Variants in PKHD1L1 observed in about 807,000 individuals in gnomAD.
PKHD1L1 encodes PKHD1 like 1, also known as fibrocystin-L.
Under a neutral mutation model 462.9 loss-of-function variants are expected in PKHD1L1, and 434 were observed. The ratio of observed to expected loss-of-function variants is 0.94; its 90% CI spans 0.87 to 1.02. PKHD1L1 has a LOEUF of 1.02. Ranked by LOEUF, PKHD1L1 falls within the 50% of genes least tolerant of loss-of-function variation. The pLI is 0.00. For missense variants in PKHD1L1, 5,202 were observed against 5,096.1 expected (o/e 1.02, Z -0.63); for synonymous variants, 1,781 against 1,750.0 (o/e 1.02, Z -0.44).
chr8:109,405,108 A>T lies in PKHD1L1; in HGVS notation c.1647A>T (p.Leu549Phe). ...ANSCSLYQYR[L>F]IYNMEKTVFL... is the part of the protein sequence containing the mutation. ...CATGTTCACTTTACCAATATAGATT[A>T]ATCTATAATATGGAAAAAACTGGTA... is the stretch of plus-strand genomic sequence containing the variant. Residue 549 changes from leucine to phenylalanine, a missense_variant, in exon 16 of 78, where the codon TTA becomes TTT. By Grantham distance (22) the Leu-to-Phe change is conservative. Coordinates refer to ENST00000378402, the MANE Select transcript of PKHD1L1 (RefSeq NM_177531.6). The T allele has an allele frequency of 1.3e-6, 2 of 1,491,566 alleles. No individual in the cohort carries two copies. Among genetic ancestry groups the T allele is most frequent in the East Asian group, 2.4e-5 (1 of 41,520 alleles). The allele number at this position is 1,491,566 out of a possible 1,614,324, so 92.4% of individuals were successfully genotyped here. A position where few individuals can be genotyped will look rare whatever the true frequency, so the allele number is the denominator to read the frequency against.
chr8:109,440,667 C>G, intron 32 of PKHD1L1, 43 bp from the exon 33 acceptor site: 1 of 1,558,488 alleles, frequency 6.4e-7, no homozygotes, highest in Non-Finnish European at 8.8e-7. Context: ...CAAGATAAAT[C>G]AGTAGGAAGC....
chr8:109,466,095 C>T (rs1484871041), intron 49 of PKHD1L1, among the ~76,000 whole-genome samples: 1 of 152,142 alleles, frequency 6.6e-6, no homozygotes, highest in Non-Finnish European at 1.5e-5. Flanking sequence ...GAGTTTTCAA[C>T]CACAGTTGTT....
Position 109,510,846 on chromosome 8 carries a change from T to A in PKHD1L1, c.11465T>A (p.Val3822Glu), listed in dbSNP as rs1346973965. ...AGGCTGTCCCTGTTTCACAGCATTG[T>A]GGCTCTGAACAAATCTTATGAAGTT... ...QRRLSLFHSI[V>E]ALNKSYEVYF... The change falls in exon 71 of 78, where the codon GTG (valine) becomes GAG (glutamate). Residue 3822 changes from valine (V) to glutamate (E), a missense_variant. Physicochemically the swap from Val to Glu is moderately radical, Grantham distance 121 (BLOSUM62 -2). Around this residue, in one of 3 missense-constraint regions of PKHD1L1, gnomAD observed 698 missense variants for 736.3 expected, o/e 0.95. Transcript: ENST00000378402. 6.2e-7 allele frequency: 1 copy of A among 1,613,372 alleles called. No homozygotes were observed. Among genetic ancestry groups the A allele is most frequent in the Non-Finnish European group, 8.5e-7 (1 of 1,179,514 alleles).
chr8:109,412,159 G>A, intron 19 of PKHD1L1, 106 bp from the exon 20 acceptor site: 2 of 1,083,158 alleles, frequency 1.8e-6, no homozygotes, highest in Non-Finnish European at 1.3e-6. Flanking sequence ...AGTAATCAGG[G>A]AAACAATGGG....
intron 2 of PKHD1L1, 55 bp downstream of exon 2, chr8:109,364,691 A>G (rs970548013): frequency 7.3e-6 from 8 of 1,098,694 alleles, no homozygotes; most frequent in Middle Eastern, 2.8e-4. Flanking sequence ...TTTCAAGCCT[A>G]TTTCATATTT....
chr8:109,447,090 G>A (rs1350664006), intron 38 of PKHD1L1, among the ~76,000 whole-genome samples: 1 of 152,092 alleles, frequency 6.6e-6, no homozygotes, highest in Non-Finnish European at 1.5e-5. Flanking sequence ...AGGCATGGCG[G>A]CATGCACCTG....
At position 109,449,327 on chromosome 8, in the gene PKHD1L1, G is replaced by T. The variant is rs759523434; in HGVS notation, c.6026-11G>T. Reference sequence around the variant, plus strand: ...TTAGCTTTGTTTTTCCTTTTTATTTGTCTTCACTAGGGAGCTTTGGTGGGG... The same window carrying T: ...TTAGCTTTGTTTTTCCTTTTTATTTTTCTTCACTAGGGAGCTTTGGTGGGG... On this transcript the variant is annotated splice_polypyrimidine_tract_variant and intron_variant, in intron 39 of 77. Coordinates refer to ENST00000378402, the MANE Select transcript of PKHD1L1 (RefSeq NM_177531.6). The T allele has an allele frequency of 6.4e-7, 1 of 1,552,772 alleles. No individual in the cohort carries two copies. Among genetic ancestry groups the T allele is most frequent in the Middle Eastern group, 1.7e-4 (1 of 5,954 alleles).
chr8:109,392,404 A>G (rs1483253988), intron 9 of PKHD1L1, among the ~76,000 whole-genome samples: 7 of 152,286 alleles, frequency 4.6e-5, no homozygotes, highest in Admixed American at 1.3e-4. Context: ...AGAAACTTTC[A>G]ATTTAGAAAT....
Position 109,391,775 on chromosome 8 carries a change from A to G in PKHD1L1, c.740+1281A>G, listed in dbSNP as rs376612897. Among the ~76,000 whole-genome samples, 328 of 152,336 alleles carry G rather than the reference A, an allele frequency of 2.2e-3. 5 individuals are homozygous for G. The South Asian group carries it at 0.034, about 16-fold the overall frequency. ...TTATTCCTAGTAGCACTCACAGACT[A>G]CAAGTGAAGGATGAGATTTTGTCCC... On this transcript the variant is annotated intron_variant, in intron 9 of 77. Transcript: ENST00000378402.
intron 25 of PKHD1L1, among the ~76,000 whole-genome samples, chr8:109,428,291 C>A (rs1814889307): frequency 6.6e-6 from 1 of 152,058 alleles, no homozygotes; most frequent in African/African-American, 2.4e-5. Flanking sequence ...AACCTAGAAA[C>A]CTAAATCCCC....
chr8:109,463,835 C>A (rs1171070872), intron 48 of PKHD1L1, among the ~76,000 whole-genome samples: 1 of 152,116 alleles, frequency 6.6e-6, no homozygotes, highest in Non-Finnish European at 1.5e-5. Context: ...GAGCACAACA[C>A]CTGGCACACA....
At position 109,497,083 on chromosome 8, in the gene PKHD1L1, G is replaced by C; in HGVS notation, c.10476+16G>C. On this transcript the variant is annotated intron_variant, in intron 64 of 77. Coordinates refer to ENST00000378402, the MANE Select transcript of PKHD1L1 (RefSeq NM_177531.6). ...TTATTTTCAGGTAATTATGATTAAA[G>C]ATGGTGATTGTTTATTTTCTTTTAT... The C allele has an allele frequency of 1.9e-6, 3 of 1,612,728 alleles. No homozygotes were observed. The highest frequency in any genetic ancestry group is 2.5e-6 in the Non-Finnish European group (3 of 1,179,120).
At chr8:109,459,539 A>G (rs190154677) in intron 46 of PKHD1L1, 56 bp from the exon 47 acceptor site, 17 of 1,346,096 alleles carry the variant, frequency 1.3e-5, no homozygotes, top group Non-Finnish European at 1.6e-5. Flanking sequence ...ATACCAAAAC[A>G]ATATGTTATG....
intron 14 of PKHD1L1, 111 bp downstream of exon 14, chr8:109,401,699 G>T: frequency 3.7e-6 from 2 of 541,304 alleles, no homozygotes; most frequent in Non-Finnish European, 6.3e-6. Flanking sequence ...TTAGTTTATT[G>T]GTTTAATTTA....
At chr8:109,525,777 T>C (rs866520025) in intron 76 of PKHD1L1, among the ~76,000 whole-genome samples, 3 of 152,108 alleles carry the variant, frequency 2.0e-5, no homozygotes, top group Non-Finnish European at 1.5e-5. Flanking sequence ...AAGAAAAAAA[T>C]TTTAATACAC....
rs1254792885 is a variant in PKHD1L1, at chr8:109,534,109, G to T, written c.*4019G>T. 6.6e-6 allele frequency among the ~76,000 whole-genome samples: 1 copy of T among 152,226 alleles called. No homozygotes were observed. Among genetic ancestry groups the T allele is most frequent in the African/African-American group, 2.4e-5 (1 of 41,458 alleles). On this transcript the variant is annotated 3_prime_UTR_variant, in exon 78 of 78. Coordinates refer to ENST00000378402, the MANE Select transcript of PKHD1L1 (RefSeq NM_177531.6). ...AATGGGAAAGGTGGACAATGCCAAG[G>T]TTAAAATACCACATGCATCTTTGAG...
intron 39 of PKHD1L1, among the ~76,000 whole-genome samples, chr8:109,449,114 A>G (rs1188924152): frequency 1.3e-5 from 2 of 152,208 alleles, no homozygotes; most frequent in South Asian, 2.1e-4. Flanking sequence ...AAATAGTTCA[A>G]ATAAATTACC....
In PKHD1L1 at chr8:109,442,137, T is replaced by G; in HGVS notation, c.4335T>G (p.Pro1445=). 1.2e-6 allele frequency: 2 copies of G among 1,613,388 alleles called. No individual in the cohort carries two copies. The change falls in exon 35 of 78, where the codon CCT becomes CCG. Residue 1445 remains proline, a synonymous_variant. Coordinates refer to ENST00000378402, the MANE Select transcript of PKHD1L1 (RefSeq NM_177531.6). ...IGYRIFSVSS[P]GSVIYDGKGF... ...ATAGGATTTTTTCTGTCTCCAGTCC[T>G]GGAAGTGTAATTTATGATGGCAAAG... is the stretch of plus-strand genomic sequence containing the variant.
rs1277460103 is a variant in PKHD1L1, at chr8:109,445,579, C to A, written c.5710C>A (p.Pro1904Thr). 7 of 1,611,192 alleles carry A rather than the reference C, an allele frequency of 4.3e-6. No individual in the cohort carries two copies. The highest frequency in any genetic ancestry group is 5.1e-6 in the Non-Finnish European group (6 of 1,178,354). ...AATCTTTGTTAATACAATTGCTTAT[C>A]CACCTTTGCTTTTTACATATGCCCT... ...VKIFVNTIAY[P>T]PLLFTYALED... Residue 1904 changes from proline to threonine, a missense_variant, in exon 38 of 78, where the codon CCA becomes ACA. Around this residue, in one of 3 missense-constraint regions of PKHD1L1, gnomAD observed 4,497 missense variants for 4,336.8 expected, o/e 1.04. Transcript: ENST00000378402.
Sources: gnomAD v4.1 joint callset for allele counts (sites outside exome capture counted in the v4.1 genomes callset) on GRCh38, gnomAD v4.1.1 for gene constraint, gnomAD v4.1.1 regional missense constraint, MANE v1.5 for transcripts, NCBI Gene and HGNC (gene_info 2026-07-23, HGNC 2026-07-21) for gene names.